CTNNA3: variants seen among roughly 807,000 people sequenced by gnomAD.
CTNNA3 encodes catenin alpha-3.
A neutral mutation model predicts 95.7 loss-of-function variants in CTNNA3; 76 were observed. That is an observed-to-expected ratio of 0.79 (90% CI 0.66 to 0.96). CTNNA3 has a LOEUF of 0.96. CTNNA3 is among the 40% of genes least tolerant of loss of function. The pLI is 0.00. For missense variants in CTNNA3, 1,191 were observed against 1,089.8 expected, an observed-to-expected ratio of 1.09 and a Z score of -1.31; for synonymous variants, 431 against 374.4, an observed-to-expected ratio of 1.15 and a Z score of -1.74.
chr10:66,839,936 T>G (rs563413993), intron 7 of CTNNA3, among the ~76,000 whole-genome samples: 1 of 152,238 alleles, frequency 6.6e-6, no homozygotes, highest in South Asian at 2.1e-4. Flanking sequence ...TCTGTGAAAT[T>G]TAGATGTTTG....
At chr10:66,975,118 C>T (rs962474417) in intron 7 of CTNNA3, among the ~76,000 whole-genome samples, 3 of 152,184 alleles carry the variant, frequency 2.0e-5, no homozygotes, top group African/African-American at 7.2e-5. Flanking sequence ...CATTTAAAAT[C>T]GGCATTTCAT....
At chr10:66,089,212 T>C (rs2081115948) in intron 14 of CTNNA3, among the ~76,000 whole-genome samples, 1 of 151,902 alleles carries the variant, frequency 6.6e-6, no homozygotes, top group Non-Finnish European at 1.5e-5. Flanking sequence ...GGGCCCTTTG[T>C]TGTTGTTGTT....
At chr10:67,704,179 A>T (rs1175232638) in intron 1 of CTNNA3, among the ~76,000 whole-genome samples, 1 of 152,228 alleles carries the variant, frequency 6.6e-6, no homozygotes, top group Non-Finnish European at 1.5e-5. Context: ...AAGAATCAAC[A>T]TCGTGAAAAT....
chr10:66,095,244 C>A (rs2081348447), intron 14 of CTNNA3, among the ~76,000 whole-genome samples: 1 of 151,748 alleles, frequency 6.6e-6, no homozygotes, highest in Non-Finnish European at 1.5e-5. Flanking sequence ...CTCTAATAAA[C>A]CCTAATGTTT....
In CTNNA3 at chr10:67,599,922, T is replaced by TA. The variant is rs1424671246; in HGVS notation, c.292+6934dup. On this transcript the variant is annotated intron_variant, in intron 3 of 17. Coordinates refer to ENST00000433211, the MANE Select transcript of CTNNA3 (RefSeq NM_013266.4). ...GTTCAAGGCACCTAGAATAACCTAA[T>TA]AAAAATAATTTGTATTTCAATTACT... 2.0e-5 allele frequency among the ~76,000 whole-genome samples: 3 copies of TA among 152,186 alleles called. No homozygotes were observed. In the East Asian group the frequency reaches 5.8e-4, roughly 29 times the overall value.
At chr10:67,638,772 C>T (rs1249229696) in intron 2 of CTNNA3, among the ~76,000 whole-genome samples, 3 of 152,174 alleles carry the variant, frequency 2.0e-5, no homozygotes, top group South Asian at 2.1e-4. Flanking sequence ...GGGTACATAA[C>T]AAAATGAAGG....
chr10:66,544,459 T>C (rs1841975364), intron 10 of CTNNA3, among the ~76,000 whole-genome samples: 1 of 152,116 alleles, frequency 6.6e-6, no homozygotes, highest in Admixed American at 6.5e-5. Flanking sequence ...CATCGTTTGA[T>C]GAGGATATAG....
At chr10:67,056,906 G>A (rs1855466307) in intron 7 of CTNNA3, among the ~76,000 whole-genome samples, 3 of 152,120 alleles carry the variant, frequency 2.0e-5, no homozygotes, top group African/African-American at 7.2e-5. Flanking sequence ...ATTATGTGGT[G>A]GCCTGAGTGA....
intron 9 of CTNNA3, among the ~76,000 whole-genome samples, chr10:66,665,811 A>G (rs566201828): frequency 6.6e-6 from 1 of 152,220 alleles, no homozygotes; most frequent in South Asian, 2.1e-4. Context: ...TGTTTTATAA[A>G]TTTTTTCCCT....
intron 10 of CTNNA3, among the ~76,000 whole-genome samples, chr10:66,538,842 G>C (rs1841746579): frequency 6.6e-6 from 1 of 152,142 alleles, no homozygotes; most frequent in African/African-American, 2.4e-5. Flanking sequence ...AGCATTTTTA[G>C]AGACAGTTAA....
In CTNNA3 at chr10:66,340,740, G is replaced by A. The variant is rs544661503; in HGVS notation, c.1732+38412C>T. The stretch of plus-strand genomic sequence containing the variant: ...AAATACATTATTAGATTTAATTTTC[G>A]TAACCATCCTGAGAGATATACGGAT... On this transcript the variant is annotated intron_variant, in intron 12 of 17. Coordinates refer to ENST00000433211, the MANE Select transcript of CTNNA3 (RefSeq NM_013266.4). Among the ~76,000 whole-genome samples the A allele has an allele frequency of 1.3e-3, 204 of 151,274 alleles. 1 individual carries two copies. The highest frequency in any genetic ancestry group is 4.1e-3 in the African/African-American group (171 of 41,312).
chr10:66,760,114 A>G (rs1839544272), intron 9 of CTNNA3, among the ~76,000 whole-genome samples: 1 of 152,142 alleles, frequency 6.6e-6, no homozygotes, highest in African/African-American at 2.4e-5. Context: ...TTTAAATGCA[A>G]TCTATGTTTG....
At chr10:66,553,527 T>C (rs539225338) in intron 10 of CTNNA3, among the ~76,000 whole-genome samples, 3 of 122,968 alleles carry the variant, frequency 2.4e-5, no homozygotes, top group African/African-American at 9.2e-5. Flanking sequence ...CTTTTTTTTT[T>C]TTTTTTTTTT....
At chr10:65,927,443 A>G (rs1285737548) in intron 17 of CTNNA3, among the ~76,000 whole-genome samples, 4 of 152,188 alleles carry the variant, frequency 2.6e-5, no homozygotes, top group Admixed American at 1.3e-4. Flanking sequence ...CCTTAAGCCT[A>G]TTATCAGTCA....
At chr10:67,044,534 T>C (rs1854608143) in intron 7 of CTNNA3, among the ~76,000 whole-genome samples, 1 of 152,172 alleles carries the variant, frequency 6.6e-6, no homozygotes, top group African/African-American at 2.4e-5. Context: ...AGATTCCCCA[T>C]TGAGCTAATC....
chr10:66,393,961 AATTAT>A (rs1164718174), intron 11 of CTNNA3, among the ~76,000 whole-genome samples: 1 of 152,074 alleles, frequency 6.6e-6, no homozygotes, highest in Non-Finnish European at 1.5e-5. Flanking sequence ...GTGATTCTAT[AATTAT>A]ATTATTCAGC....
intron 10 of CTNNA3, among the ~76,000 whole-genome samples, chr10:66,549,010 A>T (rs1842129377): frequency 1.1e-5 from 1 of 89,014 alleles, no homozygotes; most frequent in Non-Finnish European, 2.0e-5. Context: ...TTTGTTTGAG[A>T]CGGAGTCTTG....
intron 11 of CTNNA3, among the ~76,000 whole-genome samples, chr10:66,380,347 C>A (rs2092827747): frequency 6.6e-6 from 1 of 152,044 alleles, no homozygotes; most frequent in African/African-American, 2.4e-5. Flanking sequence ...TGGTGGCTCA[C>A]ATCTATAATC....
At chr10:67,010,756 C>A (rs1852272288) in intron 7 of CTNNA3, among the ~76,000 whole-genome samples, 1 of 152,180 alleles carries the variant, frequency 6.6e-6, no homozygotes, top group South Asian at 2.1e-4. Context: ...GTTTGCCATA[C>A]CCCAAATGCT....
Sources: gnomAD v4.1 joint callset for allele counts (sites outside exome capture counted in the v4.1 genomes callset) on GRCh38, gnomAD v4.1.1 for gene constraint, MANE v1.5 for transcripts, NCBI Gene and HGNC (gene_info 2026-07-23, HGNC 2026-07-21) for gene names.